The following EDC3 variants were observed in gnomAD, a reference collection of about 807,000 sequenced individuals.
EDC3 encodes enhancer of mRNA-decapping protein 3.
EDC3 carries 20 observed loss-of-function variants against 41.8 expected under a neutral mutation model. The observed-to-expected ratio is 0.48, with a 90% CI of 0.34 to 0.70. The LOEUF is 0.70. Ranked by LOEUF, EDC3 falls within the 30% of genes least tolerant of loss-of-function variation. The pLI, the probability that EDC3 is intolerant of heterozygous loss-of-function variation, is 0.01. For missense variants in EDC3, 444 were observed against 636.8 expected, an observed-to-expected ratio of 0.70 and a Z score of 3.26; for synonymous variants, 206 against 243.2, an observed-to-expected ratio of 0.85 and a Z score of 1.42.
chr15:74,673,262 G>A (rs2062760707), intron 2 of EDC3, among the ~76,000 whole-genome samples: 1 of 152,050 alleles, frequency 6.6e-6, no homozygotes, highest in Admixed American at 6.6e-5. Flanking sequence ...TAATACAAAG[G>A]GAGAAGGGAT....
At chr15:74,665,237 T>C (rs771393104) in intron 3 of EDC3, among the ~76,000 whole-genome samples, 4 of 152,138 alleles carry the variant, frequency 2.6e-5, no homozygotes, top group African/African-American at 4.8e-5. Flanking sequence ...TGTTGGCCAG[T>C]CTGGTCTCGA....
At chr15:74,652,334 T>C (rs1437326652) in intron 4 of EDC3, among the ~76,000 whole-genome samples, 1 of 151,502 alleles carries the variant, frequency 6.6e-6, no homozygotes, top group Non-Finnish European at 1.5e-5. Context: ...TTCACGCCAT[T>C]CTCCCGCCTC....
rs762291691 is a variant in EDC3 at position 74,655,985 on chromosome 15, C to G, written c.568G>C (p.Glu190Gln). The G allele has an allele frequency of 2.5e-6, 4 of 1,613,906 alleles. No homozygotes were observed. In the South Asian group the frequency reaches 4.4e-5, roughly 18 times the overall value. ...TCCTCAATATCATCCCCGAAGCACT[C>G]GTCATCTTTATTCTTCATCTGGCCA... Reference protein sequence around the residue: ...KNGQMKNKDDECFGDDIEEIP... With the variant: ...KNGQMKNKDDQCFGDDIEEIP... The change falls in exon 4 of 7, where the codon GAG becomes CAG. Residue 190 changes from glutamate (E) to glutamine (Q), a missense_variant. This residue lies in a region of EDC3 where 200 missense variants were observed against 244.0 expected (regional missense o/e 0.82). Transcript: ENST00000315127.
At chr15:74,669,699 A>G (rs960502608) in intron 3 of EDC3, among the ~76,000 whole-genome samples, 4 of 152,110 alleles carry the variant, frequency 2.6e-5, no homozygotes, top group Non-Finnish European at 4.4e-5. Context: ...TGGTAGCAAG[A>G]AGTATCCGGA....
intron 3 of EDC3, among the ~76,000 whole-genome samples, chr15:74,659,363 G>A (rs1286006995): frequency 6.6e-6 from 1 of 151,924 alleles, no homozygotes; most frequent in Non-Finnish European, 1.5e-5. Context: ...ACGGGAGGCT[G>A]GGGAAAGAAT....
chr15:74,680,106 C>CA (rs2062854116), intron 1 of EDC3, among the ~76,000 whole-genome samples: 2 of 151,078 alleles, frequency 1.3e-5, no homozygotes, highest in South Asian at 4.2e-4. Flanking sequence ...ACTAAAAATA[C>CA]AAAAAATTAG....
At chr15:74,660,982 A>G (rs949340340) in intron 3 of EDC3, among the ~76,000 whole-genome samples, 1 of 152,232 alleles carries the variant, frequency 6.6e-6, no homozygotes, top group African/African-American at 2.4e-5. Context: ...GCAGTAAAAT[A>G]TACATTACAT....
rs1321727044 is a variant in EDC3, at chr15:74,631,796, C to G, written c.*816G>C. ...TATCCCCATCTGAGGGGTCTGGCCC[C>G]AGACTAGGCAAAGGCTCAACCTGCT... On this transcript the variant is annotated 3_prime_UTR_variant, in exon 7 of 7. Transcript: ENST00000315127. 2.6e-5 allele frequency: 4 copies of G among 152,822 alleles called. No homozygotes were observed. Among genetic ancestry groups the G allele is most frequent in the African/African-American group, 9.7e-5 (4 of 41,406 alleles). 9.5% of individuals were successfully genotyped at this position (152,822 alleles called of 1,614,324 possible).
At chr15:74,687,619 C>G (rs1292805902) in intron 1 of EDC3, among the ~76,000 whole-genome samples, 1 of 152,232 alleles carries the variant, frequency 6.6e-6, no homozygotes, top group Non-Finnish European at 1.5e-5. Context: ...TTCTGGTGAT[C>G]TGCTCACCTC....
At chr15:74,648,943 A>G (rs1458904908) in intron 4 of EDC3, among the ~76,000 whole-genome samples, 2 of 152,064 alleles carry the variant, frequency 1.3e-5, no homozygotes, top group Non-Finnish European at 2.9e-5. Flanking sequence ...TTAAACGTTG[A>G]GATAGGATCT....
intron 1 of EDC3, among the ~76,000 whole-genome samples, chr15:74,691,238 A>C (rs1425213938): frequency 6.6e-6 from 1 of 152,128 alleles, no homozygotes; most frequent in Non-Finnish European, 1.5e-5. Flanking sequence ...AAATTACCTA[A>C]TCTGAGTCTC....
At chr15:74,633,632 A>G (rs1411224806) in intron 6 of EDC3, among the ~76,000 whole-genome samples, 3 of 152,244 alleles carry the variant, frequency 2.0e-5, no homozygotes, top group African/African-American at 4.8e-5. Flanking sequence ...ACAAGTATGT[A>G]GATCCTGTAC....
chr15:74,656,879 T>G (rs2141617707), intron 3 of EDC3, among the ~76,000 whole-genome samples: 1 of 152,318 alleles, frequency 6.6e-6, no homozygotes, highest in Non-Finnish European at 1.5e-5. Context: ...AGAAGTGGCT[T>G]GACTTCAGAG....
chr15:74,663,621 C>A (rs568961011), intron 3 of EDC3, among the ~76,000 whole-genome samples: 77 of 149,322 alleles, frequency 5.2e-4, no homozygotes, highest in African/African-American at 1.7e-3. Context: ...TGGTCCCAAG[C>A]GTTTTGCGTT....
intron 1 of EDC3, among the ~76,000 whole-genome samples, chr15:74,691,835 T>C (rs1464128831): frequency 6.6e-6 from 1 of 152,168 alleles, no homozygotes; most frequent in African/African-American, 2.4e-5. Flanking sequence ...TTGGGTTTTT[T>C]TGAGACAGTC....
intron 4 of EDC3, among the ~76,000 whole-genome samples, chr15:74,649,851 G>A (rs2062460067): frequency 8.6e-6 from 1 of 116,632 alleles, no homozygotes; most frequent in Non-Finnish European, 1.6e-5. Flanking sequence ...CATTGCAGGA[G>A]GGAAAAAAAG....
intron 4 of EDC3, among the ~76,000 whole-genome samples, chr15:74,645,570 G>C (rs181322662): frequency 1.4e-5 from 2 of 146,486 alleles, no homozygotes; most frequent in Non-Finnish European, 3.0e-5. Context: ...AAGTTGGGGG[G>C]GGGGGGGTGC....
chr15:74,688,502 T>C (rs540083441), intron 1 of EDC3, among the ~76,000 whole-genome samples: 1 of 152,334 alleles, frequency 6.6e-6, no homozygotes, highest in East Asian at 1.9e-4. Context: ...CTACAGGTAG[T>C]TATTATTCTG....
At chr15:74,659,913 C>T (rs966745603) in intron 3 of EDC3, among the ~76,000 whole-genome samples, 1 of 151,576 alleles carries the variant, frequency 6.6e-6, no homozygotes, top group Non-Finnish European at 1.5e-5. Context: ...GGCATGGTGG[C>T]GCGCACATGT....
Sources: gnomAD v4.1 joint callset for allele counts (sites outside exome capture counted in the v4.1 genomes callset) on GRCh38, gnomAD v4.1.1 for gene constraint, gnomAD v4.1.1 regional missense constraint, MANE v1.5 for transcripts, NCBI Gene and HGNC (gene_info 2026-07-23, HGNC 2026-07-21) for gene names.